Variants in ITGA6 observed in about 807,000 individuals in gnomAD.
The protein encoded by ITGA6 is integrin alpha-6.
Under a neutral mutation model 133.6 loss-of-function variants are expected in ITGA6, and 63 were observed. The observed-to-expected ratio is 0.47, with a 90% confidence interval of 0.38 to 0.58. The LOEUF is 0.58. Ranked by LOEUF, ITGA6 falls within the 20% of genes least tolerant of loss-of-function variation. The probability of loss-of-function intolerance (pLI) is 0.00; values close to 1 mark genes in which losing one functional copy is unlikely to be tolerated. For missense variants in ITGA6, 1,068 were observed against 1,309.4 expected, an observed-to-expected ratio of 0.82 and a Z score of 2.85; for synonymous variants, 434 against 482.0, an observed-to-expected ratio of 0.90 and a Z score of 1.30.
rs6744873 is a variant in ITGA6, at chr2:172,427,981, A to G, written c.182+11A>G. 459,510 of 1,597,938 alleles carry G rather than the reference A, an allele frequency of 0.29. 79,325 individuals carry two copies. The highest frequency in any genetic ancestry group is 0.88 in the East Asian group (38,000 of 43,218). ...CGAGGACAAGCGGCTGTGAGTTCCC[A>G]GACCCTTCCCACCCCCACTGGGGCG... On this transcript the variant is annotated intron_variant, in intron 1 of 25. Transcript: ENST00000684293.
intron 3 of ITGA6, among the ~76,000 whole-genome samples, chr2:172,468,845 A>G (rs1156449434): frequency 2.0e-5 from 3 of 152,250 alleles, no homozygotes; most frequent in Admixed American, 1.3e-4. Context: ...GTAAATTTAC[A>G]AATAAATTGC....
intron 1 of ITGA6, among the ~76,000 whole-genome samples, chr2:172,448,702 C>T (rs1031072465): frequency 1.3e-5 from 2 of 152,160 alleles, no homozygotes; most frequent in Admixed American, 1.3e-4. Flanking sequence ...TTTTAACCAA[C>T]TTTCTGTGTA....
chr2:172,471,179 A>G (rs767933435), intron 5 of ITGA6, 74 bp downstream of exon 5: 12 of 1,565,062 alleles, frequency 7.7e-6, no homozygotes, highest in African/African-American at 1.4e-5. Context: ...CGCAGGGCCT[A>G]TGGCCCCTGG....
chr2:172,496,138 C>T (rs16860583), intron 23 of ITGA6, among the ~76,000 whole-genome samples: 1 of 152,196 alleles, frequency 6.6e-6, no homozygotes, highest in African/African-American at 2.4e-5. Flanking sequence ...TTACCAACCA[C>T]GTAACTATTC....
In ITGA6 at chr2:172,498,985, C is replaced by T. The variant is rs540128690; in HGVS notation, c.3114+885C>T. Among the ~76,000 whole-genome samples the T allele has an allele frequency of 3.3e-5, 5 of 152,238 alleles. No homozygotes were observed. The South Asian group carries it at 8.3e-4, about 25-fold the overall frequency. On this transcript the variant is annotated intron_variant, in intron 24 of 25. Coordinates refer to ENST00000684293, the MANE Select transcript of ITGA6 (RefSeq NM_000210.4). ...TTATAGTAGCATTAGGTATGCAGTGCATTACTCATTTTAAAGGACAAAAAT... is the reference window on the plus strand; with the variant it reads ...TTATAGTAGCATTAGGTATGCAGTGTATTACTCATTTTAAAGGACAAAAAT...
intron 1 of ITGA6, among the ~76,000 whole-genome samples, chr2:172,443,028 A>G (rs10207654): frequency 0.068 from 10,282 of 152,220 alleles, 459 homozygotes; most frequent in East Asian, 0.26. Context: ...TTAAAACTAC[A>G]AAGATGGAAT....
intron 23 of ITGA6, among the ~76,000 whole-genome samples, chr2:172,493,868 A>C (rs892407379): frequency 4.6e-5 from 7 of 152,140 alleles, no homozygotes; most frequent in African/African-American, 1.7e-4. Flanking sequence ...CAGTCTGATG[A>C]CTGGGTCACA....
At chr2:172,436,792 A>G (rs1316988844) in intron 1 of ITGA6, among the ~76,000 whole-genome samples, 1 of 152,234 alleles carries the variant, frequency 6.6e-6, no homozygotes, top group Admixed American at 6.5e-5. Flanking sequence ...CTGGGGCTAC[A>G]GCAGCAAACA....
intron 1 of ITGA6, among the ~76,000 whole-genome samples, chr2:172,439,222 C>T (rs1283468067): frequency 3.3e-5 from 5 of 151,848 alleles, no homozygotes; most frequent in Non-Finnish European, 7.4e-5. Context: ...CCTGTTCCTG[C>T]TGGCCTGGTT....
rs1181237658 is a variant in ITGA6, at chr2:172,456,668, C to T, written c.183-8871C>T. 2.6e-5 allele frequency among the ~76,000 whole-genome samples: 4 copies of T among 152,132 alleles called. 1 individual carries two copies. Among genetic ancestry groups the T allele is most frequent in the Admixed American group, 2.6e-4 (4 of 15,274 alleles). Reference sequence around the variant, plus strand: ...GCCTGTGTGTGGAAGGGCCTCAGCACCCCCAGGAAGAGAGGGATTGTCCCA... The same window carrying T: ...GCCTGTGTGTGGAAGGGCCTCAGCATCCCCAGGAAGAGAGGGATTGTCCCA... On this transcript the variant is annotated intron_variant, in intron 1 of 25. Transcript: ENST00000684293.
intron 5 of ITGA6, among the ~76,000 whole-genome samples, chr2:172,471,343 A>G (rs1269910676): frequency 6.6e-6 from 1 of 152,162 alleles, no homozygotes; most frequent in African/African-American, 2.4e-5. Context: ...CTTATCACCT[A>G]AAATCATCCG....
At chr2:172,456,226 T>C (rs537208160) in intron 1 of ITGA6, among the ~76,000 whole-genome samples, 1 of 152,182 alleles carries the variant, frequency 6.6e-6, no homozygotes, top group African/African-American at 2.4e-5. Flanking sequence ...GAGGGACTCT[T>C]ACAAGGCCAG....
At chr2:172,484,233 G>A (rs1054938076) in intron 11 of ITGA6, among the ~76,000 whole-genome samples, 1 of 152,162 alleles carries the variant, frequency 6.6e-6, no homozygotes, top group Non-Finnish European at 1.5e-5. Flanking sequence ...ACTTTAATAC[G>A]TATAAGAATC....
chr2:172,427,574 T>G, upstream of ITGA6: 2 of 1,229,048 alleles, frequency 1.6e-6, no homozygotes, highest in South Asian at 3.3e-5. Flanking sequence ...CGCCTGCGAG[T>G]CTCCAGAGAA....
chr2:172,503,326 T>TA (rs1409241778), intron 25 of ITGA6: 3 of 152,130 alleles, frequency 2.0e-5, no homozygotes, highest in African/African-American at 7.2e-5. Context: ...TTAAATGAAT[T>TA]TTATATATAT....
At chr2:172,475,472 CA>C (rs11464370) in intron 7 of ITGA6, 124 bp from the exon 8 acceptor site, 82 of 722,146 alleles carry the variant, frequency 1.1e-4, no homozygotes, top group East Asian at 2.1e-4. Flanking sequence ...TCAAAAAAAA[CA>C]AAAAAAAACC....
chr2:172,446,035 A>G (rs1684755669), intron 1 of ITGA6, among the ~76,000 whole-genome samples: 1 of 152,250 alleles, frequency 6.6e-6, no homozygotes, highest in South Asian at 2.1e-4. Flanking sequence ...ATGCCCAGCT[A>G]AAAAGTCTTT....
intron 19 of ITGA6, 21 bp from the exon 20 acceptor site, chr2:172,489,464 A>C: frequency 6.4e-7 from 1 of 1,574,336 alleles, no homozygotes; most frequent in South Asian, 1.1e-5. Context: ...GACTGAGATA[A>C]TATGTATTAT....
chr2:172,465,461 A>C, intron 1 of ITGA6, 78 bp from the exon 2 acceptor site: 1 of 1,521,064 alleles, frequency 6.6e-7, no homozygotes, highest in Non-Finnish European at 9.1e-7. Context: ...TAATCCCACT[A>C]TCTCCTAGTT....
Sources: gnomAD v4.1 joint callset for allele counts (sites outside exome capture counted in the v4.1 genomes callset) on GRCh38, gnomAD v4.1.1 for gene constraint, MANE v1.5 for transcripts, NCBI Gene and HGNC (gene_info 2026-07-23, HGNC 2026-07-21) for gene names.